Variants in PPP1R7 observed in about 807,000 individuals in gnomAD.
PPP1R7 encodes the protein protein phosphatase 1 regulatory subunit 7, also known as protein phosphatase 1 regulatory subunit 22.
A neutral mutation model predicts 45.2 loss-of-function variants in PPP1R7; 18 were observed. The ratio of observed to expected loss-of-function variants is 0.40; its 90% CI spans 0.28 to 0.59. The LOEUF (loss-of-function observed/expected upper bound fraction) is 0.59. Ranked by LOEUF, PPP1R7 falls within the 20% of genes least tolerant of loss-of-function variation. The probability of loss-of-function intolerance (pLI) is 0.46; values close to 1 mark genes in which losing one functional copy is unlikely to be tolerated. For missense variants in PPP1R7, 314 were observed against 455.8 expected (o/e 0.69, Z 2.83); for synonymous variants, 181 against 183.4 (o/e 0.99, Z 0.11).
At chr2:241,179,549 T>G (rs2067964875) in intron 9 of PPP1R7, among the ~76,000 whole-genome samples, 1 of 152,206 alleles carries the variant, frequency 6.6e-6, no homozygotes, top group African/African-American at 2.4e-5. Flanking sequence ...AATTTTAGTT[T>G]TTAAAAAACA....
rs745638263 is a variant in PPP1R7, at chr2:241,182,844, TG to T, written c.*23del. 1.1e-5 allele frequency: 17 copies of T among 1,600,718 alleles called. No homozygotes were observed. Among genetic ancestry groups the T allele is most frequent in the Non-Finnish European group, 1.4e-5 (16 of 1,169,014 alleles). On this transcript the variant is annotated 3_prime_UTR_variant, in exon 10 of 10. Coordinates refer to ENST00000234038, the MANE Select transcript of PPP1R7 (RefSeq NM_002712.3). Reference sequence around the variant, plus strand: ...TCTGAGTCCTTCTTGGCTCCTCATGTGGTCCCTCTCCTCGGAAGAACTGCCC... The same window carrying T: ...TCTGAGTCCTTCTTGGCTCCTCATGTGTCCCTCTCCTCGGAAGAACTGCCC...
At chr2:241,149,772 C>T (rs913735709), upstream of PPP1R7, 13 of 1,537,346 alleles carry the variant, frequency 8.5e-6, no homozygotes, top group Admixed American at 2.2e-4. Flanking sequence ...CGGGGCGGCT[C>T]GTTCATGGGC....
chr2:241,181,613 C>T (rs1019600005), intron 9 of PPP1R7, among the ~76,000 whole-genome samples: 5 of 152,138 alleles, frequency 3.3e-5, no homozygotes, highest in African/African-American at 9.7e-5. Context: ...ACCCCCCAGT[C>T]GGACCACAGC....
chr2:241,165,410 TC>T (rs546295340), intron 7 of PPP1R7, among the ~76,000 whole-genome samples: 137 of 152,172 alleles, frequency 9.0e-4, no homozygotes, highest in African/African-American at 3.1e-3. Context: ...CAGGTGATCC[TC>T]CTGCCTTGGC....
chr2:241,177,310 G>T (rs183954054), intron 9 of PPP1R7, among the ~76,000 whole-genome samples: 1 of 152,070 alleles, frequency 6.6e-6, no homozygotes, highest in Non-Finnish European at 1.5e-5. Context: ...ACCACTACTC[G>T]GGAGGCTGAG....
chr2:241,152,422 A>G (rs756955113), intron 1 of PPP1R7, among the ~76,000 whole-genome samples: 9 of 152,226 alleles, frequency 5.9e-5, no homozygotes, highest in Non-Finnish European at 1.3e-4. Context: ...CAAGTCACAG[A>G]GACGAGTTAG....
chr2:241,175,489 T>A (rs1464394778), intron 9 of PPP1R7, among the ~76,000 whole-genome samples: 1 of 152,250 alleles, frequency 6.6e-6, no homozygotes, highest in African/African-American at 2.4e-5. Context: ...TCACCCATTC[T>A]GTAAGCATGT....
At chr2:241,169,971 C>A in intron 9 of PPP1R7, 104 bp downstream of exon 9, 2 of 929,590 alleles carry the variant, frequency 2.2e-6, no homozygotes, top group South Asian at 1.4e-5. Context: ...AGCCTTCATG[C>A]TGAGTGACTC....
intron 7 of PPP1R7, among the ~76,000 whole-genome samples, chr2:241,164,506 G>A (rs186225173): frequency 1.3e-5 from 2 of 152,296 alleles, no homozygotes; most frequent in East Asian, 3.9e-4. Context: ...GACGAGGCCC[G>A]GTATGGTTAG....
upstream of PPP1R7, chr2:241,150,384 G>A: frequency 2.3e-6 from 3 of 1,300,214 alleles, no homozygotes; most frequent in Non-Finnish European, 2.0e-6. Flanking sequence ...GGCGCGGCGC[G>A]GCTGAAGTCG....
chr2:241,178,107 G>T lies in PPP1R7; in HGVS notation c.907-4540G>T, dbSNP rs544922258. Among the ~76,000 whole-genome samples, 6 of 152,374 alleles carry T rather than the reference G, an allele frequency of 3.9e-5. No homozygotes were observed. The South Asian group carries it at 6.2e-4, about 16-fold the overall frequency. On this transcript the variant is annotated intron_variant, in intron 9 of 9. Coordinates refer to ENST00000234038, the MANE Select transcript of PPP1R7 (RefSeq NM_002712.3). ...GCACCCCTGACCCAGGGCTGTCTGGGTGTGAGCTGCAAGGAGCGGGGGGCA... is the reference window on the plus strand; with the variant it reads ...GCACCCCTGACCCAGGGCTGTCTGGTTGTGAGCTGCAAGGAGCGGGGGGCA...
At chr2:241,153,069 G>C (rs892816596) in intron 1 of PPP1R7, among the ~76,000 whole-genome samples, 1 of 152,208 alleles carries the variant, frequency 6.6e-6, no homozygotes, top group Non-Finnish European at 1.5e-5. Flanking sequence ...ATAAATAGTG[G>C]AGCATGGATG....
At chr2:241,150,842 G>T (rs1385292117) in intron 1 of PPP1R7, among the ~76,000 whole-genome samples, 2 of 152,140 alleles carry the variant, frequency 1.3e-5, no homozygotes, top group Non-Finnish European at 2.9e-5. Flanking sequence ...CAGTCCAGTT[G>T]GAGCCTCGCC....
chr2:241,167,112 C>T (rs2067732426), intron 8 of PPP1R7: 1 of 1,596,166 alleles, frequency 6.3e-7, no homozygotes, highest in Admixed American at 1.7e-5. Flanking sequence ...CAGCTGCCTC[C>T]AGCTCACCCT....
At chr2:241,176,550 C>A (rs1275075814) in intron 9 of PPP1R7, among the ~76,000 whole-genome samples, 2 of 151,840 alleles carry the variant, frequency 1.3e-5, no homozygotes, top group East Asian at 3.9e-4. Context: ...CTCCACCTCC[C>A]GGGTTCAAGT....
At chr2:241,153,636 C>T (rs1407698881) in intron 2 of PPP1R7, 32 bp downstream of exon 2, 2 of 1,609,374 alleles carry the variant, frequency 1.2e-6, no homozygotes, top group Non-Finnish European at 1.7e-6. Context: ...GGGACATCTG[C>T]TGGTTGGGGG....
intron 2 of PPP1R7, among the ~76,000 whole-genome samples, chr2:241,157,029 A>G (rs1055226653): frequency 6.6e-6 from 1 of 152,108 alleles, no homozygotes; most frequent in Non-Finnish European, 1.5e-5. Context: ...AGTAGGTTCC[A>G]ATGAAATGAA....
chr2:241,176,415 G>A (rs1419171347), intron 9 of PPP1R7, among the ~76,000 whole-genome samples: 1 of 151,848 alleles, frequency 6.6e-6, no homozygotes, highest in African/African-American at 2.4e-5. Context: ...ACAGTTGCTT[G>A]TAAATACATA....
Position 241,157,839 on chromosome 2 carries a change from A to G in PPP1R7, c.214A>G (p.Ile72Val), listed in dbSNP as rs764067672. The G allele has an allele frequency of 1.2e-6, 2 of 1,614,142 alleles. No individual in the cohort carries two copies. Residue 72 changes from isoleucine (I) to valine (V), a missense_variant, in exon 3 of 10, where the codon ATC becomes GTC. Coordinates refer to ENST00000234038, the MANE Select transcript of PPP1R7 (RefSeq NM_002712.3). ...EHELPVDMET[I>V]NLDRDAEDVD... ...TGAGCTGCCTGTGGACATGGAAACC[A>G]TCAACCTGGACAGAGATGCAGAGGT...
Sources: gnomAD v4.1 joint callset for allele counts (sites outside exome capture counted in the v4.1 genomes callset) on GRCh38, gnomAD v4.1.1 for gene constraint, MANE v1.5 for transcripts, NCBI Gene and HGNC (gene_info 2026-07-23, HGNC 2026-07-21) for gene names.